PLCL2: variants seen among roughly 807,000 people sequenced by gnomAD.
PLCL2 encodes the protein phospholipase C like 2.
In PLCL2, 4 loss-of-function variants were observed where a neutral mutation model predicts 79.6. That is an observed-to-expected ratio of 0.05 (90% CI 0.02 to 0.11). PLCL2 has a LOEUF of 0.11. Among genes scored for constraint, PLCL2 ranks in the 10% least tolerant of loss-of-function variants. PLCL2 has a pLI of 1.00. For synonymous variants in PLCL2, 484 were observed against 457.7 expected, an observed-to-expected ratio of 1.06 and a Z score of -0.73; for missense variants, 895 against 1,291.0, an observed-to-expected ratio of 0.69 and a Z score of 4.70.
chr3:17,005,946 C>A (rs2064256094), intron 1 of PLCL2, among the ~76,000 whole-genome samples: 1 of 152,072 alleles, frequency 6.6e-6, no homozygotes, highest in African/African-American at 2.4e-5. Context: ...AGTATAACAG[C>A]CAATTCTGAG....
intron 1 of PLCL2, among the ~76,000 whole-genome samples, chr3:16,951,051 T>G (rs746531294): frequency 1.3e-5 from 2 of 152,152 alleles, no homozygotes; most frequent in Non-Finnish European, 2.9e-5. Context: ...AAATAATGAT[T>G]CTGTCTAAAA....
intron 3 of PLCL2, among the ~76,000 whole-genome samples, chr3:17,029,428 C>T (rs1196408175): frequency 1.3e-5 from 2 of 151,548 alleles, no homozygotes; most frequent in Non-Finnish European, 2.9e-5. Context: ...ATGTGAGGGC[C>T]CCTAGTTATT....
chr3:16,909,944 C>T (rs552067568), intron 1 of PLCL2, among the ~76,000 whole-genome samples: 8 of 152,288 alleles, frequency 5.3e-5, no homozygotes, highest in South Asian at 4.1e-4. Flanking sequence ...ATCACACACA[C>T]AGATTCTGCC....
At chr3:16,953,946 C>G (rs114353008) in intron 1 of PLCL2, among the ~76,000 whole-genome samples, 2,343 of 152,106 alleles carry the variant, frequency 0.015, 24 homozygotes, top group Non-Finnish European at 0.027. Context: ...AACTGATGAA[C>G]TTTAAAATAC....
chr3:16,920,617 A>G (rs1419087386), intron 1 of PLCL2, among the ~76,000 whole-genome samples: 2 of 152,154 alleles, frequency 1.3e-5, no homozygotes, highest in Non-Finnish European at 2.9e-5. Context: ...ATTGATGAGG[A>G]TGGAGAGGGC....
At chr3:16,966,002 C>G (rs902047287) in intron 1 of PLCL2, among the ~76,000 whole-genome samples, 2 of 151,998 alleles carry the variant, frequency 1.3e-5, no homozygotes, top group African/African-American at 4.8e-5. Context: ...AATTGAATAC[C>G]CTTTATTTCT....
intron 5 of PLCL2, among the ~76,000 whole-genome samples, chr3:17,082,863 A>G (rs2065178058): frequency 1.3e-5 from 2 of 152,314 alleles, no homozygotes; most frequent in South Asian, 4.1e-4. Flanking sequence ...GTAAAATAAA[A>G]TACCTATTTG....
At chr3:16,924,277 G>A (rs1483908760) in intron 1 of PLCL2, among the ~76,000 whole-genome samples, 1 of 152,074 alleles carries the variant, frequency 6.6e-6, no homozygotes, top group Admixed American at 6.5e-5. Context: ...GCTGCTTATT[G>A]TAGTTGTTGT....
intron 1 of PLCL2, among the ~76,000 whole-genome samples, chr3:16,921,348 G>A (rs577012893): frequency 6.6e-6 from 1 of 152,296 alleles, no homozygotes; most frequent in Admixed American, 6.5e-5. Flanking sequence ...GTGACCAAGG[G>A]ATTGGGGCGG....
intron 5 of PLCL2, among the ~76,000 whole-genome samples, chr3:17,070,739 C>T (rs1171155908): frequency 1.3e-5 from 2 of 152,098 alleles, no homozygotes; most frequent in African/African-American, 4.8e-5. Flanking sequence ...TGTCGAGTTC[C>T]TCCCATTACT....
intron 1 of PLCL2, among the ~76,000 whole-genome samples, chr3:16,960,035 G>A (rs1164689364): frequency 1.3e-5 from 2 of 152,142 alleles, no homozygotes; most frequent in African/African-American, 4.8e-5. Context: ...AACCTGGGAG[G>A]CGGAGCTTGC....
intron 1 of PLCL2, among the ~76,000 whole-genome samples, chr3:16,920,927 GGT>G (rs1445487632): frequency 1.3e-5 from 2 of 152,090 alleles, no homozygotes; most frequent in African/African-American, 2.4e-5. Flanking sequence ...AGTTTGGTGT[GGT>G]AATGGCCATT....
chr3:17,047,911 C>CT (rs1205094129), intron 4 of PLCL2, among the ~76,000 whole-genome samples: 1 of 152,082 alleles, frequency 6.6e-6, no homozygotes, highest in East Asian at 1.9e-4. Context: ...GTATACTGCT[C>CT]TTTTTTTCTC....
intron 1 of PLCL2, among the ~76,000 whole-genome samples, chr3:16,918,008 T>C (rs1697036318): frequency 6.6e-6 from 1 of 151,888 alleles, no homozygotes; most frequent in African/African-American, 2.4e-5. Flanking sequence ...TTTGATATTA[T>C]GTAGAAAAAA....
intron 3 of PLCL2, among the ~76,000 whole-genome samples, chr3:17,019,951 A>T (rs2064430015): frequency 6.6e-6 from 1 of 152,232 alleles, no homozygotes; most frequent in Non-Finnish European, 1.5e-5. Context: ...GAATATCTGG[A>T]TACTCTTCAT....
chr3:16,952,355 T>C (rs2063661851), intron 1 of PLCL2, among the ~76,000 whole-genome samples: 3 of 13,774 alleles, frequency 2.2e-4, no homozygotes, highest in Non-Finnish European at 4.1e-4. Context: ...TCCCAGAACT[T>C]AAAGCAAAAA....
intron 1 of PLCL2, among the ~76,000 whole-genome samples, chr3:16,984,710 A>C (rs930204746): frequency 3.3e-5 from 5 of 152,168 alleles, no homozygotes; most frequent in African/African-American, 1.2e-4. Flanking sequence ...AGGCAGGCAG[A>C]TCACGAGGTC....
rs1559488545 is a variant in PLCL2, at chr3:16,929,130, A to AGAG, written c.327+43764_327+43765insGAG. Among the ~76,000 whole-genome samples the AGAG allele has an allele frequency of 7.7e-3, 1,172 of 151,896 alleles. 17 individuals carry two copies. Among genetic ancestry groups the AGAG allele is most frequent in the African/African-American group, 0.026 (1,094 of 41,392 alleles). On this transcript the variant is annotated intron_variant, in intron 1 of 5. Transcript: ENST00000615277. ...TGAGCGGTGAGGATACCTGCGCAGA[A>AGAG]ATGATGATGATGATACTAAGCACAG...
At chr3:16,931,673 G>A (rs537351136) in intron 1 of PLCL2, among the ~76,000 whole-genome samples, 93 of 152,204 alleles carry the variant, frequency 6.1e-4, no homozygotes, top group African/African-American at 2.1e-3. Context: ...CATTTATTAC[G>A]TGAATGACCC....
Sources: gnomAD v4.1 joint callset for allele counts (sites outside exome capture counted in the v4.1 genomes callset) on GRCh38, gnomAD v4.1.1 for gene constraint, MANE v1.5 for transcripts, NCBI Gene and HGNC (gene_info 2026-07-23, HGNC 2026-07-21) for gene names.